PCDHA8: variants seen among roughly 807,000 people sequenced by gnomAD.
PCDHA8 encodes the protein protocadherin alpha-8.
In PCDHA8, 53 loss-of-function variants were observed where a neutral mutation model predicts 61.8. The ratio of observed to expected loss-of-function variants is 0.86; its 90% CI spans 0.69 to 1.08. The LOEUF is 1.08. Among genes scored for constraint, PCDHA8 ranks in the 50% least tolerant of loss-of-function variants. The pLI is 0.00. For synonymous variants in PCDHA8, 618 were observed against 556.6 expected (o/e 1.11, Z -1.55); for missense variants, 1,293 against 1,245.0 (o/e 1.04, Z -0.58).
At chr5:140,912,220 C>T (rs1360868463) in intron 1 of PCDHA8, among the ~76,000 whole-genome samples, 1 of 151,800 alleles carries the variant, frequency 6.6e-6, no homozygotes, top group African/African-American at 2.4e-5. Flanking sequence ...ATCTGCCTTT[C>T]CCAGTCCACT....
chr5:140,888,003 A>G (rs1187660261), intron 1 of PCDHA8, among the ~76,000 whole-genome samples: 1 of 152,112 alleles, frequency 6.6e-6, no homozygotes, highest in African/African-American at 2.4e-5. Context: ...CCGAATAGTC[A>G]TCTTTTTATC....
At chr5:140,926,611 A>G in intron 1 of PCDHA8, 1 of 348,974 alleles carries the variant, frequency 2.9e-6, no homozygotes, top group Non-Finnish European at 5.1e-6. Context: ...TCGTCTCTGC[A>G]CCCCTAGGCG....
At chr5:140,930,778 T>G (rs891094443) in intron 1 of PCDHA8, among the ~76,000 whole-genome samples, 1 of 152,200 alleles carries the variant, frequency 6.6e-6, no homozygotes, top group African/African-American at 2.4e-5. Flanking sequence ...CTTAATATTT[T>G]CACAATATAA....
intron 1 of PCDHA8, among the ~76,000 whole-genome samples, chr5:140,952,977 C>G (rs148504111): frequency 6.6e-6 from 1 of 152,064 alleles, no homozygotes; most frequent in East Asian, 1.9e-4. Flanking sequence ...TTTTAAACAA[C>G]AAGATCTCAT....
At chr5:140,937,748 T>C (rs192465220) in intron 1 of PCDHA8, among the ~76,000 whole-genome samples, 1 of 151,812 alleles carries the variant, frequency 6.6e-6, no homozygotes, top group Admixed American at 6.6e-5. Context: ...CCGTCTCTAC[T>C]AAAAATACAA....
chr5:140,926,767 C>A (rs1323702990), intron 1 of PCDHA8: 1 of 1,359,024 alleles, frequency 7.4e-7, no homozygotes, highest in East Asian at 2.7e-5. Context: ...AGTATCCAGC[C>A]CGCAGCAGTG....
At chr5:140,868,885 TA>T in intron 1 of PCDHA8, 1 of 733,950 alleles carries the variant, frequency 1.4e-6, no homozygotes, top group East Asian at 2.8e-5. Flanking sequence ...CTCACAGTTT[TA>T]GGCGCAAGGT....
At chr5:140,935,633 C>T (rs1316098876) in intron 1 of PCDHA8, among the ~76,000 whole-genome samples, 4 of 152,046 alleles carry the variant, frequency 2.6e-5, no homozygotes, top group African/African-American at 7.2e-5. Context: ...AAATTTAGGG[C>T]TTGCTTTTTA....
intron 1 of PCDHA8, among the ~76,000 whole-genome samples, chr5:140,920,769 G>T (rs2153558518): frequency 6.6e-6 from 1 of 151,918 alleles, no homozygotes; most frequent in African/African-American, 2.4e-5. Context: ...GCTTACACCT[G>T]GGAGGTGGAG....
intron 1 of PCDHA8, among the ~76,000 whole-genome samples, chr5:140,926,207 C>A (rs1259453811): frequency 6.6e-6 from 1 of 152,074 alleles, no homozygotes; most frequent in Non-Finnish European, 1.5e-5. Flanking sequence ...TCGGGGGGCT[C>A]CTGTTTCCTT....
chr5:140,956,464 A>C (rs1340273443), intron 1 of PCDHA8, among the ~76,000 whole-genome samples: 1 of 152,148 alleles, frequency 6.6e-6, no homozygotes, highest in Admixed American at 6.6e-5. Flanking sequence ...ATTGATTTGC[A>C]TATGTTGAAC....
At chr5:140,877,284 C>T (rs1318334277) in intron 1 of PCDHA8, 3 of 1,613,900 alleles carry the variant, frequency 1.9e-6, no homozygotes, top group Non-Finnish European at 2.5e-6. Context: ...CCGGCTATAA[C>T]GCTTGGCTGT....
intron 3 of PCDHA8, among the ~76,000 whole-genome samples, chr5:141,000,361 GTCTCTC>G (rs148596731): frequency 0.13 from 3,495 of 26,124 alleles, 319 homozygotes; most frequent in Middle Eastern, 0.15. Context: ...GTCTCTCTCT[GTCTCTC>G]TCTCTCTCTC....
intron 1 of PCDHA8, among the ~76,000 whole-genome samples, chr5:140,925,287 A>G (rs905857397): frequency 4.7e-4 from 72 of 152,294 alleles, no homozygotes; most frequent in African/African-American, 1.7e-3. Context: ...TGCCTTTCAA[A>G]TGTTTCATTA....
intron 1 of PCDHA8, among the ~76,000 whole-genome samples, chr5:140,937,290 G>C (rs890693007): frequency 3.3e-5 from 5 of 152,076 alleles, no homozygotes; most frequent in Non-Finnish European, 7.4e-5. Flanking sequence ...ACCCGCTTCG[G>C]CCTCCCAAAG....
At chr5:140,969,241 A>G (rs1554231627) in intron 1 of PCDHA8, 2 of 1,614,230 alleles carry the variant, frequency 1.2e-6, no homozygotes, top group Admixed American at 3.3e-5. Context: ...CCCAAGCAGC[A>G]GTGACTGACA....
At chr5:140,891,317 C>A (rs2063039508) in intron 1 of PCDHA8, among the ~76,000 whole-genome samples, 1 of 151,808 alleles carries the variant, frequency 6.6e-6, no homozygotes, top group South Asian at 2.1e-4. Context: ...TGAGTAAGTT[C>A]TTTGGTGGTG....
intron 1 of PCDHA8, among the ~76,000 whole-genome samples, chr5:140,913,413 G>A (rs976186231): frequency 3.3e-5 from 5 of 152,050 alleles, no homozygotes; most frequent in Non-Finnish European, 5.9e-5. Flanking sequence ...TTGAATTCCT[G>A]CAGTATCAGT....
intron 1 of PCDHA8, chr5:140,868,717 A>G (rs1420363814): frequency 5.3e-6 from 1 of 189,344 alleles, no homozygotes; most frequent in African/African-American, 2.4e-5. Context: ...AATAATTTAA[A>G]TTTGATGTTA....
Sources: gnomAD v4.1 joint callset for allele counts (sites outside exome capture counted in the v4.1 genomes callset) on GRCh38, gnomAD v4.1.1 for gene constraint, MANE v1.5 for transcripts, NCBI Gene and HGNC (gene_info 2026-07-23, HGNC 2026-07-21) for gene names.